CUL4A: variants seen among roughly 807,000 people sequenced by gnomAD.
The protein encoded by CUL4A is cullin 4A.
In CUL4A, 16 loss-of-function variants were observed where a neutral mutation model predicts 95.5. That is an observed-to-expected ratio of 0.17 (90% CI 0.11 to 0.25). The LOEUF is 0.25. CUL4A is among the 10% of genes least tolerant of loss of function. The probability of loss-of-function intolerance (pLI) is 1.00; values close to 1 mark genes in which losing one functional copy is unlikely to be tolerated. For missense variants in CUL4A, 610 were observed against 937.0 expected, an observed-to-expected ratio of 0.65 and a Z score of 4.56; for synonymous variants, 380 against 353.1, an observed-to-expected ratio of 1.08 and a Z score of -0.85.
At chr13:113,231,777 G>T (rs1336403362) in intron 5 of CUL4A, among the ~76,000 whole-genome samples, 2 of 152,150 alleles carry the variant, frequency 1.3e-5, no homozygotes, top group Admixed American at 1.3e-4. Flanking sequence ...GCACCTTCCT[G>T]CTCCAACTGT....
intron 10 of CUL4A, among the ~76,000 whole-genome samples, chr13:113,240,513 G>A (rs951861651): frequency 3.9e-5 from 6 of 152,178 alleles, no homozygotes; most frequent in Admixed American, 6.5e-5. Context: ...TGAACATTTA[G>A]CAAAAGTCTG....
At position 113,261,179 on chromosome 13, in the gene CUL4A, T is replaced by C. The variant is rs2042265705; in HGVS notation, c.2184+420T>C. 2.0e-5 allele frequency among the ~76,000 whole-genome samples: 3 copies of C among 152,222 alleles called. No individual in the cohort carries two copies. In the South Asian group the frequency reaches 6.2e-4, roughly 32 times the overall value. Reference sequence around the variant, plus strand: ...AATAGTCTACTGTTGCTGTTGCTTATGAAAGTCAGCCCAGGCCTGTCAACC... The same window carrying C: ...AATAGTCTACTGTTGCTGTTGCTTACGAAAGTCAGCCCAGGCCTGTCAACC... On this transcript the variant is annotated intron_variant, in intron 19 of 19. Coordinates refer to ENST00000375440, the MANE Select transcript of CUL4A (RefSeq NM_001008895.4).
At chr13:113,260,152 C>T (rs1456290872) in intron 18 of CUL4A, among the ~76,000 whole-genome samples, 4 of 131,974 alleles carry the variant, frequency 3.0e-5, no homozygotes, top group Non-Finnish European at 3.1e-5. Flanking sequence ...TGTAGTGAGC[C>T]GAGATCGCGC....
At chr13:113,224,287 A>G (rs1444102455) in intron 3 of CUL4A, among the ~76,000 whole-genome samples, 1 of 152,004 alleles carries the variant, frequency 6.6e-6, no homozygotes. Context: ...CGGGAGGCAG[A>G]TCTTGCAGTG....
chr13:113,250,425 C>G (rs145680588), intron 15 of CUL4A, among the ~76,000 whole-genome samples: 191 of 152,170 alleles, frequency 1.3e-3, no homozygotes, highest in African/African-American at 4.3e-3. Context: ...GTACTCCATC[C>G]TGGGCAACAG....
At chr13:113,252,889 C>T (rs773865835) in intron 15 of CUL4A, among the ~76,000 whole-genome samples, 193 bp from the exon 16 acceptor site, 4 of 152,220 alleles carry the variant, frequency 2.6e-5, no homozygotes, top group African/African-American at 7.2e-5. Flanking sequence ...GGCATTATCT[C>T]GTTGACACTG....
chr13:113,221,195 C>T (rs923461685), intron 3 of CUL4A, among the ~76,000 whole-genome samples: 1 of 152,218 alleles, frequency 6.6e-6, no homozygotes, highest in East Asian at 1.9e-4. Flanking sequence ...GGCCCTTAGG[C>T]TGTGATGCTA....
chr13:113,244,772 G>A (rs529608963), intron 12 of CUL4A, among the ~76,000 whole-genome samples, 177 bp from the exon 13 acceptor site: 6 of 151,940 alleles, frequency 3.9e-5, no homozygotes, highest in Middle Eastern at 3.4e-3. Context: ...CGCGGGAGGC[G>A]GAGCTTGCAG....
At chr13:113,230,746 A>G (rs2041280198) in intron 5 of CUL4A, among the ~76,000 whole-genome samples, 1 of 151,052 alleles carries the variant, frequency 6.6e-6, no homozygotes, top group African/African-American at 2.4e-5. Flanking sequence ...CCCATAGTCT[A>G]AATGCTTTTC....
intron 3 of CUL4A, among the ~76,000 whole-genome samples, chr13:113,226,480 C>T (rs143773173): frequency 1.4e-3 from 217 of 152,312 alleles, no homozygotes; most frequent in African/African-American, 4.9e-3. Context: ...AAGAGTGTTT[C>T]GTAAACCATA....
intron 7 of CUL4A, 30 bp downstream of exon 7, chr13:113,234,016 T>G (rs1380984023): frequency 1.4e-6 from 2 of 1,454,428 alleles, no homozygotes; most frequent in Non-Finnish European, 1.9e-6. Flanking sequence ...CCGAATCCCC[T>G]GGCTTCGTTT....
chr13:113,232,077 CCCGCCCACCACCATTACTGTCACCACT>C (rs2041345095), intron 5 of CUL4A, among the ~76,000 whole-genome samples: 2 of 149,778 alleles, frequency 1.3e-5, no homozygotes, highest in African/African-American at 5.1e-5. Flanking sequence ...GTCACCACTA[CCCGCCCACCACCATTACTGTCACCACT>C]ACCCGCCCAC....
Position 113,233,887 on chromosome 13 carries a change from T to C in CUL4A, c.676-10T>C, listed in dbSNP as rs2146408. On this transcript the variant is annotated splice_polypyrimidine_tract_variant and intron_variant, in intron 6 of 19. Transcript: ENST00000375440. ...ACTGAAATTGGTCAGTAACTCTGCT[T>C]GTTTCTTAGGTGTATAAAGATTCAT... 0.98 allele frequency: 1,438,862 copies of C among 1,461,770 alleles called. 710,772 individuals are homozygous for C. The highest frequency in any genetic ancestry group is 1 in the East Asian group (43,934 of 43,934). 90.5% of individuals were successfully genotyped at this position (1,461,770 alleles called of 1,614,324 possible).
chr13:113,229,720 G>A, intron 5 of CUL4A: 1 of 550,772 alleles, frequency 1.8e-6, no homozygotes, highest in Non-Finnish European at 3.2e-6. Flanking sequence ...GCAGCAAGGA[G>A]TGGAGCAGGA....
At chr13:113,231,630 T>C (rs1047869555) in intron 5 of CUL4A, among the ~76,000 whole-genome samples, 1 of 152,126 alleles carries the variant, frequency 6.6e-6, no homozygotes, top group South Asian at 2.1e-4. Flanking sequence ...ACTAATAACA[T>C]TTGATCCCCA....
chr13:113,224,900 C>T (rs915620475), intron 3 of CUL4A, among the ~76,000 whole-genome samples: 1 of 152,222 alleles, frequency 6.6e-6, no homozygotes, highest in Non-Finnish European at 1.5e-5. Flanking sequence ...GGGCTGTCCC[C>T]TCGCGGTCTG....
At chr13:113,256,918 T>C (rs1362525259) in intron 18 of CUL4A, among the ~76,000 whole-genome samples, 1 of 140,054 alleles carries the variant, frequency 7.1e-6, no homozygotes, top group Non-Finnish European at 1.5e-5. Context: ...TGTCCCTTTT[T>C]TTTTTTCGTT....
intron 14 of CUL4A, 91 bp from the exon 15 acceptor site, chr13:113,245,863 CTT>C: frequency 1.0e-6 from 1 of 959,424 alleles, no homozygotes. Context: ...ACAGATGAAA[CTT>C]TATATTGAAA....
intron 2 of CUL4A, among the ~76,000 whole-genome samples, chr13:113,212,158 T>G (rs2040472906): frequency 6.6e-6 from 1 of 152,262 alleles, no homozygotes; most frequent in African/African-American, 2.4e-5. Context: ...GTTGGTTATT[T>G]TCTTATTATT....
Sources: gnomAD v4.1 joint callset for allele counts (sites outside exome capture counted in the v4.1 genomes callset) on GRCh38, gnomAD v4.1.1 for gene constraint, MANE v1.5 for transcripts, NCBI Gene and HGNC (gene_info 2026-07-23, HGNC 2026-07-21) for gene names.